LRSAM1: variants seen among roughly 807,000 people sequenced by gnomAD.
LRSAM1 encodes the protein leucine rich repeat and sterile alpha motif containing 1, also known as E3 ubiquitin-protein ligase LRSAM1.
A neutral mutation model predicts 118.1 loss-of-function variants in LRSAM1; 96 were observed. The ratio of observed to expected loss-of-function variants is 0.81; its 90% CI spans 0.69 to 0.96. The LOEUF (loss-of-function observed/expected upper bound fraction) is 0.96, where lower values mean the gene tolerates loss of function less well. Among genes scored for constraint, LRSAM1 ranks in the 40% least tolerant of loss-of-function variants. The probability of loss-of-function intolerance (pLI) is 0.00; values close to 1 mark genes in which losing one functional copy is unlikely to be tolerated. For missense variants in LRSAM1, 804 were observed against 915.5 expected (o/e 0.88, Z 1.57); for synonymous variants, 322 against 364.2 (o/e 0.88, Z 1.32).
chr9:127,477,383 A>G (rs1212883972), intron 11 of LRSAM1, among the ~76,000 whole-genome samples: 2 of 152,252 alleles, frequency 1.3e-5, no homozygotes, highest in Non-Finnish European at 2.9e-5. Flanking sequence ...TCCTATTTAT[A>G]GGTTGCTGCT....
intron 25 of LRSAM1, among the ~76,000 whole-genome samples, chr9:127,501,385 T>C: frequency 6.6e-6 from 1 of 151,924 alleles, no homozygotes; most frequent in East Asian, 1.9e-4. Context: ...TAGGAAAAAA[T>C]TTCCCAAATC....
In LRSAM1 at chr9:127,480,025, A is replaced by G. The variant is rs766651362; in HGVS notation, c.1043+47A>G. On this transcript the variant is annotated intron_variant, in intron 14 of 25. Coordinates refer to ENST00000300417, the MANE Select transcript of LRSAM1 (RefSeq NM_001005373.4). ...CCAGCCCCAGAGTCCTTCCCCGTGC[A>G]GTCCCCTGAGGAGCCGGGAGGAGTG... The G allele has an allele frequency of 2.5e-6, 4 of 1,613,600 alleles. No homozygotes were observed. The African/African-American group carries it at 5.3e-5, about 22-fold the overall frequency.
At chr9:127,484,476 C>G (rs1159166936) in intron 16 of LRSAM1, among the ~76,000 whole-genome samples, 2 of 152,020 alleles carry the variant, frequency 1.3e-5, no homozygotes, top group African/African-American at 4.8e-5. Flanking sequence ...AGTCCTCCCA[C>G]TACAGCCTCC....
chr9:127,455,721 CT>C (rs1834494421), intron 5 of LRSAM1, 101 bp downstream of exon 5: 1 of 1,096,994 alleles, frequency 9.1e-7, no homozygotes, highest in Admixed American at 1.7e-5. Context: ...TAGACACCTC[CT>C]TTCTCTCTGC....
At chr9:127,491,607 T>C (rs1379113369) in intron 20 of LRSAM1, among the ~76,000 whole-genome samples, 1 of 152,240 alleles carries the variant, frequency 6.6e-6, no homozygotes, top group Non-Finnish European at 1.5e-5. Context: ...GGCCCGCCGC[T>C]GAGCTCCTGT....
chr9:127,458,903 C>A (rs1339532984), intron 6 of LRSAM1, 100 bp from the exon 7 acceptor site: 2 of 1,101,898 alleles, frequency 1.8e-6, no homozygotes, highest in Non-Finnish European at 2.8e-6. Flanking sequence ...TGTTTCTGCA[C>A]TGGGGGTGTG....
At chr9:127,455,870 C>A (rs1834497248) in intron 5 of LRSAM1, among the ~76,000 whole-genome samples, 1 of 152,172 alleles carries the variant, frequency 6.6e-6, no homozygotes, top group Admixed American at 6.5e-5. Context: ...TCTTACTTCT[C>A]AGTTTCTTCC....
chr9:127,500,407 A>C (rs1238652149), intron 24 of LRSAM1, among the ~76,000 whole-genome samples: 2 of 149,798 alleles, frequency 1.3e-5, no homozygotes, highest in African/African-American at 4.9e-5. Flanking sequence ...GCTGCTTCTG[A>C]TGTCTTAGCA....
intron 25 of LRSAM1, 22 bp downstream of exon 25, chr9:127,501,165 C>A (rs778771584): frequency 3.7e-6 from 6 of 1,609,018 alleles, no homozygotes; most frequent in Non-Finnish European, 5.1e-6. Context: ...GCCCTCCCCA[C>A]CCGCCTGCCC....
In LRSAM1 at chr9:127,493,732, G is replaced by A. The variant is rs548857122; in HGVS notation, c.1599+835G>A. On this transcript the variant is annotated intron_variant, in intron 21 of 25. Coordinates refer to ENST00000300417, the MANE Select transcript of LRSAM1 (RefSeq NM_001005373.4). Reference sequence around the variant, plus strand: ...GCTGTCCCTGTCCCCTGATGGGTTTGACACTGGCACATTTTCAGCGTGGCA... The same window carrying A: ...GCTGTCCCTGTCCCCTGATGGGTTTAACACTGGCACATTTTCAGCGTGGCA... 7.0e-4 allele frequency among the ~76,000 whole-genome samples: 107 copies of A among 152,272 alleles called. 1 individual carries two copies. The highest frequency in any genetic ancestry group is 3.4e-3 in the Middle Eastern group (1 of 294).
intron 18 of LRSAM1, among the ~76,000 whole-genome samples, chr9:127,488,692 C>G (rs1835820471): frequency 6.6e-6 from 1 of 151,556 alleles, no homozygotes; most frequent in African/African-American, 2.4e-5. Flanking sequence ...CTCCTGGGCT[C>G]AAACGATCCT....
chr9:127,468,542 G>A (rs996230271), intron 10 of LRSAM1, among the ~76,000 whole-genome samples: 1 of 152,162 alleles, frequency 6.6e-6, no homozygotes, highest in Non-Finnish European at 1.5e-5. Context: ...ACTTATCATG[G>A]CCATTGCAAA....
At chr9:127,471,472 T>TAAAAAAAA (rs71380064) in intron 10 of LRSAM1, among the ~76,000 whole-genome samples, 1 of 68,032 alleles carries the variant, frequency 1.5e-5, no homozygotes. Flanking sequence ...CCTTATGTTA[T>TAAAAAAAA]AAAAAAAAAA....
chr9:127,478,850 G>T (rs1835428737), intron 11 of LRSAM1, 84 bp from the exon 12 acceptor site: 1 of 1,411,982 alleles, frequency 7.1e-7, no homozygotes, highest in Non-Finnish European at 1.0e-6. Flanking sequence ...TATAACATCA[G>T]GCCACCCGGG....
intron 24 of LRSAM1, among the ~76,000 whole-genome samples, chr9:127,498,074 C>T (rs1007314467): frequency 1.3e-5 from 2 of 152,174 alleles, no homozygotes; most frequent in Non-Finnish European, 2.9e-5. Context: ...CAGTCTTGTG[C>T]TGCTGGGCTG....
intron 13 of LRSAM1, 28 bp from the exon 14 acceptor site, chr9:127,479,807 CAGGG>C: frequency 6.2e-7 from 1 of 1,607,808 alleles, no homozygotes; most frequent in South Asian, 1.1e-5. Flanking sequence ...GAGGGGGTCC[CAGGG>C]GCTCAGGACC....
At chr9:127,491,431 CTG>C in intron 20 of LRSAM1, 136 bp downstream of exon 20, 2 of 726,438 alleles carry the variant, frequency 2.8e-6, no homozygotes, top group Non-Finnish European at 4.9e-6. Flanking sequence ...CAGAGCTCCT[CTG>C]TGGCTGTGAC....
At chr9:127,460,028 TCTCG>T (rs1256712388) in intron 7 of LRSAM1, among the ~76,000 whole-genome samples, 1 of 151,930 alleles carries the variant, frequency 6.6e-6, no homozygotes, top group African/African-American at 2.4e-5. Context: ...TGAGATAGAG[TCTCG>T]CTCTATCACC....
chr9:127,491,274 C>T lies in LRSAM1; in HGVS notation c.1482C>T (p.Ser494=), dbSNP rs780121774. The T allele has an allele frequency of 3.1e-6, 5 of 1,613,788 alleles. No individual in the cohort carries two copies. The highest frequency in any genetic ancestry group is 1.1e-5 in the South Asian group (1 of 91,082). ...CACAGCTGGAGTTAAAGAGGAAGTC[C>T]CTGGACACAGAGTCACTCCAGGTAT... is the stretch of plus-strand genomic sequence containing the variant. ...QLTQLELKRK[S]LDTESLQEMI... The change falls in exon 20 of 26, where the codon TCC becomes TCT. Residue 494 remains serine (S), a synonymous_variant. Coordinates refer to ENST00000300417, the MANE Select transcript of LRSAM1 (RefSeq NM_001005373.4).
Sources: allele counts gnomAD v4.1 joint callset (sites outside exome capture counted in the v4.1 genomes callset), GRCh38; gene constraint gnomAD v4.1.1; transcripts MANE v1.5; gene names NCBI Gene and HGNC (gene_info 2026-07-23, HGNC 2026-07-21).